Variants in NUAK1 observed in about 807,000 individuals in gnomAD.
The protein encoded by NUAK1 is NUAK family kinase 1.
A neutral mutation model predicts 56.9 loss-of-function variants in NUAK1; 26 were observed. The ratio of observed to expected loss-of-function variants is 0.46; its 90% CI spans 0.33 to 0.63. The LOEUF is 0.63. Ranked by LOEUF, NUAK1 falls within the 30% of genes least tolerant of loss-of-function variation. The probability of loss-of-function intolerance (pLI) is 0.02; values close to 1 mark genes in which losing one functional copy is unlikely to be tolerated. For synonymous variants in NUAK1, 337 were observed against 336.0 expected (o/e 1.00, Z -0.03); for missense variants, 727 against 876.1 (o/e 0.83, Z 2.15).
At chr12:106,080,313 G>A (rs1007579601) in intron 4 of NUAK1, among the ~76,000 whole-genome samples, 1 of 152,214 alleles carries the variant, frequency 6.6e-6, no homozygotes, top group Non-Finnish European at 1.5e-5. Flanking sequence ...CCCTCTTGGA[G>A]GAGGTCGGCT....
In NUAK1 at chr12:106,070,889, C is replaced by A; in HGVS notation, c.717G>T (p.Leu239=). 1 of 1,614,128 alleles carries A rather than the reference C, an allele frequency of 6.2e-7. No individual in the cohort carries two copies. The highest frequency in any genetic ancestry group is 1.3e-5 in the African/African-American group (1 of 75,022). The stretch of plus-strand genomic sequence containing the variant: ...AAACAAGAGTGTAAAGCAACACACC[C>A]AGGGCCCAGCTGTCCACCTGGAGCA... The part of the protein sequence containing the change: ...YRGPEVDSWA[L]GVLLYTLVYG... The change falls in exon 6 of 7, where the codon CTG becomes CTT. Residue 239 remains leucine (L), a synonymous_variant. Transcript: ENST00000261402.
intron 6 of NUAK1, among the ~76,000 whole-genome samples, chr12:106,069,705 T>C (rs2032383652): frequency 6.6e-6 from 1 of 152,228 alleles, no homozygotes; most frequent in Admixed American, 6.5e-5. Context: ...AATGGTTCAA[T>C]ATTCACAAAT....
At position 106,064,359 on chromosome 12, in the gene NUAK1, C is replaced by A. The variant is rs886318859; in HGVS notation, c.*2443G>T. On this transcript the variant is annotated 3_prime_UTR_variant, in exon 7 of 7. Coordinates refer to ENST00000261402, the MANE Select transcript of NUAK1 (RefSeq NM_014840.3). ...AGCTAATTCATCCCTCCAGCCCTCA[C>A]TGGAAGGAAAACTTAACCCCTGCAA... 2.0e-5 allele frequency: 3 copies of A among 152,338 alleles called. No individual in the cohort carries two copies. The East Asian group carries it at 5.8e-4, about 29-fold the overall frequency. 9.4% of individuals were successfully genotyped at this position (152,338 alleles called of 1,614,324 possible).
At chr12:106,117,338 T>C (rs947201298) in intron 1 of NUAK1, among the ~76,000 whole-genome samples, 3 of 152,234 alleles carry the variant, frequency 2.0e-5, no homozygotes, top group African/African-American at 4.8e-5. Flanking sequence ...AGTCATTCCA[T>C]GCATGGCTCC....
intron 1 of NUAK1, among the ~76,000 whole-genome samples, chr12:106,132,824 T>G (rs989570143): frequency 3.9e-5 from 6 of 152,122 alleles, no homozygotes; most frequent in African/African-American, 1.4e-4. Flanking sequence ...CACACCAAAC[T>G]GACGGGCTCA....
At chr12:106,099,232 G>C (rs1185510972) in intron 2 of NUAK1, among the ~76,000 whole-genome samples, 1 of 152,168 alleles carries the variant, frequency 6.6e-6, no homozygotes, top group African/African-American at 2.4e-5. Context: ...TTTTGAGATT[G>C]GGTGAACAGC....
chr12:106,079,626 A>C (rs892421911), intron 4 of NUAK1, among the ~76,000 whole-genome samples: 11 of 152,240 alleles, frequency 7.2e-5, no homozygotes, highest in South Asian at 2.1e-4. Context: ...CAGGAATTCA[A>C]GTCCTATACC....
At chr12:106,104,986 C>T (rs1367219756) in intron 2 of NUAK1, among the ~76,000 whole-genome samples, 1 of 150,856 alleles carries the variant, frequency 6.6e-6, no homozygotes, top group Non-Finnish European at 1.5e-5. Flanking sequence ...CAGAGTCTCA[C>T]TCTGTCACCC....
chr12:106,130,379 G>A (rs2033065322), intron 1 of NUAK1, among the ~76,000 whole-genome samples: 1 of 152,196 alleles, frequency 6.6e-6, no homozygotes, highest in Non-Finnish European at 1.5e-5. Context: ...GTATCTCAAT[G>A]GCAGGACTTG....
At chr12:106,099,723 ATAG>A in intron 2 of NUAK1, among the ~76,000 whole-genome samples, 1 of 152,280 alleles carries the variant, frequency 6.6e-6, no homozygotes, top group East Asian at 1.9e-4. Context: ...GTTAAGTGAG[ATAG>A]TACATGCACA....
chr12:106,070,921 C>T lies in NUAK1; in HGVS notation c.700-15G>A, dbSNP rs760385155. ...CAGCTGTCCACCTGGAGCAGAGAGA[C>T]AGCACATATAGGAGAGCTGGGAAAC... On this transcript the variant is annotated splice_polypyrimidine_tract_variant and intron_variant, in intron 5 of 6. Transcript: ENST00000261402. The T allele has an allele frequency of 3.1e-6, 5 of 1,613,886 alleles. No homozygotes were observed. The South Asian group carries it at 4.4e-5, about 14-fold the overall frequency.
intron 2 of NUAK1, among the ~76,000 whole-genome samples, chr12:106,096,812 C>T (rs1459259816): frequency 1.3e-5 from 2 of 152,178 alleles, no homozygotes; most frequent in Admixed American, 6.5e-5. Flanking sequence ...GAGCAGGGCT[C>T]GTTTTCTCTT....
In NUAK1 at chr12:106,138,769, G is replaced by A; in HGVS notation, c.-116C>T. On this transcript the variant is annotated 5_prime_UTR_variant, in exon 1 of 7. Coordinates refer to ENST00000261402, the MANE Select transcript of NUAK1 (RefSeq NM_014840.3). The surrounding 1 kb of genome is among the most constrained non-coding windows in gnomAD (Gnocchi z 5.0). ...CTCAAGGTCGCCCCCGCAGCATCAGGGAGGCGGCCCGATACCGCTCGGACT... is the reference window on the plus strand; with the variant it reads ...CTCAAGGTCGCCCCCGCAGCATCAGAGAGGCGGCCCGATACCGCTCGGACT... 1 of 1,371,728 alleles carries A rather than the reference G, an allele frequency of 7.3e-7. No individual in the cohort carries two copies. The highest frequency in any genetic ancestry group is 9.5e-7 in the Non-Finnish European group (1 of 1,054,762). The allele number at this position is 1,371,728 out of a possible 1,614,324, so 85.0% of individuals were successfully genotyped here.
intron 1 of NUAK1, among the ~76,000 whole-genome samples, chr12:106,126,347 G>A (rs1017515080): frequency 6.6e-6 from 1 of 152,126 alleles, no homozygotes; most frequent in Non-Finnish European, 1.5e-5. Context: ...AGGCAGAAGG[G>A]AACACCTGCC....
At chr12:106,096,486 G>A (rs539752350) in intron 2 of NUAK1, among the ~76,000 whole-genome samples, 16 of 152,326 alleles carry the variant, frequency 1.1e-4, no homozygotes, top group African/African-American at 3.4e-4. Flanking sequence ...GAATAAGGGC[G>A]AGTCCTCAGT....
In NUAK1 at chr12:106,138,096, G is replaced by C. The variant is rs1171112872; in HGVS notation, c.240+318C>G. Among the ~76,000 whole-genome samples, 1 of 152,244 alleles carries C rather than the reference G, an allele frequency of 6.6e-6. No individual in the cohort carries two copies. The highest frequency in any genetic ancestry group is 1.5e-5 in the Non-Finnish European group (1 of 68,040). Reference sequence around the variant, plus strand: ...TCTAAATGAGTGCCTGCGAGGGAGAGAGACCCCGGCCGTCCCAACGCTGCA... The same window carrying C: ...TCTAAATGAGTGCCTGCGAGGGAGACAGACCCCGGCCGTCCCAACGCTGCA... On this transcript the variant is annotated intron_variant, in intron 1 of 6. Transcript: ENST00000261402. The surrounding 1 kb of genome is among the most constrained non-coding windows in gnomAD (Gnocchi z 5.0).
rs1418317423 is a variant in NUAK1, at chr12:106,067,600, C to A, written c.1188G>T (p.Arg396Ser). 6.2e-7 allele frequency: 1 copy of A among 1,614,226 alleles called. No homozygotes were observed. The highest frequency in any genetic ancestry group is 2.2e-5 in the East Asian group (1 of 44,882). ...TTCGCTTCTTCAGGATCCCCTTGGGCCTCTTAGAACTCAACTTGGATGGGC... is the reference window on the plus strand; with the variant it reads ...TTCGCTTCTTCAGGATCCCCTTGGGACTCTTAGAACTCAACTTGGATGGGC... ...PESPSKLSSK[R>S]PKGILKKRSN... The change falls in exon 7 of 7, where the codon AGG becomes AGT. Residue 396 changes from arginine to serine, a missense_variant. By Grantham distance (110) the Arg-to-Ser change is moderately radical (BLOSUM62 -1). Transcript: ENST00000261402. The surrounding 1 kb of genome is among the most constrained non-coding windows in gnomAD (Gnocchi z 6.0).
chr12:106,123,130 C>T (rs2136480704), intron 1 of NUAK1, among the ~76,000 whole-genome samples: 1 of 152,312 alleles, frequency 6.6e-6, no homozygotes, highest in East Asian at 1.9e-4. Flanking sequence ...TTACTGGGTG[C>T]TTAGTGCATA....
At chr12:106,078,231 T>C (rs1467096281) in intron 4 of NUAK1, among the ~76,000 whole-genome samples, 1 of 152,234 alleles carries the variant, frequency 6.6e-6, no homozygotes, top group Non-Finnish European at 1.5e-5. Context: ...ACCCTGTCTC[T>C]AAAAATAAAA....
Sources: gnomAD v4.1 joint callset for allele counts (sites outside exome capture counted in the v4.1 genomes callset) on GRCh38, gnomAD v4.1.1 for gene constraint, Gnocchi (gnomAD v3.1) non-coding constraint, MANE v1.5 for transcripts, NCBI Gene and HGNC (gene_info 2026-07-23, HGNC 2026-07-21) for gene names.